The following ACSBG1 variants were observed in gnomAD, a reference collection of about 807,000 sequenced individuals.
ACSBG1 encodes the protein long-chain-fatty-acid--CoA ligase ACSBG1.
A neutral mutation model predicts 80.2 loss-of-function variants in ACSBG1; 39 were observed. The ratio of observed to expected loss-of-function variants is 0.49; its 90% CI spans 0.38 to 0.64. ACSBG1 has a LOEUF of 0.64. Among genes scored for constraint, ACSBG1 ranks in the 30% least tolerant of loss-of-function variants. ACSBG1 has a pLI of 0.00. For synonymous variants in ACSBG1, 392 were observed against 379.5 expected (o/e 1.03, Z -0.38); for missense variants, 828 against 966.4 (o/e 0.86, Z 1.90).
intron 1 of ACSBG1, among the ~76,000 whole-genome samples, chr15:78,217,717 C>T (rs2075323884): frequency 1.3e-5 from 2 of 152,076 alleles, no homozygotes; most frequent in Admixed American, 6.6e-5. Context: ...CAGGCACACG[C>T]CACCACACCC....
At chr15:78,207,958 C>G (rs2075231087) in intron 2 of ACSBG1, 44 bp downstream of exon 2, 1 of 998,590 alleles carries the variant, frequency 1.0e-6, no homozygotes, top group Non-Finnish European at 1.6e-6. Context: ...CAGCACAGCA[C>G]AGTTTCCCGC....
At chr15:78,207,316 G>A (rs369863314) in intron 2 of ACSBG1, among the ~76,000 whole-genome samples, 1 of 152,182 alleles carries the variant, frequency 6.6e-6, no homozygotes, top group Middle Eastern at 3.2e-3. Flanking sequence ...CAAGACACTC[G>A]GCCTGGGAGA....
At position 78,199,120 on chromosome 15, in the gene ACSBG1, TTTCC is replaced by T. The variant is rs895417876; in HGVS notation, c.233-4398_233-4395del. Among the ~76,000 whole-genome samples the T allele has an allele frequency of 7.9e-5, 12 of 152,148 alleles. 2 individuals carry two copies. The South Asian group carries it at 1.2e-3, about 16-fold the overall frequency. ...TTTTCTTTTCTTTTCTTTCTTTCTT[TTTCC>T]TTCCTTCCTTCCTTCTTTTTTTGAG... On this transcript the variant is annotated intron_variant, in intron 2 of 13. Coordinates refer to ENST00000258873, the MANE Select transcript of ACSBG1 (RefSeq NM_015162.5).
rs1476084491 is a variant in ACSBG1, at chr15:78,169,539, T to C, written c.*1905A>G. ...GAATGTGGTATATTTCTAAATGATATGGAAAATAGAGACAGATTTGTCCTT... is the reference window on the plus strand; with the variant it reads ...GAATGTGGTATATTTCTAAATGATACGGAAAATAGAGACAGATTTGTCCTT... On this transcript the variant is annotated 3_prime_UTR_variant, in exon 14 of 14. Transcript: ENST00000258873. 2 of 152,262 alleles carry C rather than the reference T, an allele frequency of 1.3e-5. No homozygotes were observed. Among genetic ancestry groups the C allele is most frequent in the Non-Finnish European group, 2.9e-5 (2 of 68,046 alleles). 9.4% of individuals were successfully genotyped at this position (152,262 alleles called of 1,614,324 possible).
At chr15:78,232,024 G>A (rs1048976586) in intron 1 of ACSBG1, among the ~76,000 whole-genome samples, 2 of 152,226 alleles carry the variant, frequency 1.3e-5, no homozygotes. Context: ...ATCTTGCCAA[G>A]GGTCACAGAA....
intron 2 of ACSBG1, among the ~76,000 whole-genome samples, chr15:78,196,859 A>G (rs1024889044): frequency 6.6e-6 from 1 of 152,010 alleles, no homozygotes; most frequent in African/African-American, 2.4e-5. Flanking sequence ...TGAGCCCAGG[A>G]GTTCAAGACC....
intron 1 of ACSBG1, chr15:78,212,518 G>A (rs191490915): frequency 2.1e-4 from 94 of 455,320 alleles, no homozygotes; most frequent in African/African-American, 1.8e-3. Context: ...CGGGGCAGGA[G>A]GCGGGGGAAG....
chr15:78,183,460 C>T (rs957467224), intron 5 of ACSBG1, among the ~76,000 whole-genome samples: 8 of 152,052 alleles, frequency 5.3e-5, no homozygotes, highest in Admixed American at 2.0e-4. Flanking sequence ...GCCTGTAATC[C>T]CAGCTACTCG....
rs1285487687 is a variant in ACSBG1, at chr15:78,193,590, T to C, written c.579A>G (p.Pro193=). The C allele has an allele frequency of 2.5e-6, 4 of 1,613,740 alleles. No individual in the cohort carries two copies. In the African/African-American group the frequency reaches 5.3e-5, roughly 22 times the overall value. The change falls in exon 5 of 14, where the codon CCA becomes CCG. Residue 193 remains proline (P), a synonymous_variant. Transcript: ENST00000258873. Reference sequence around the variant, plus strand: ...CATAAGCGATGTACTGGCAGGCCTCTGGGGAGCTGGTGGTGTAGATGCCAG... The same window carrying C: ...CATAAGCGATGTACTGGCAGGCCTCCGGGGAGCTGGTGGTGTAGATGCCAG... ...IVTGIYTTSS[P]EACQYIAYDC...
chr15:78,232,315 A>G (rs930670238), intron 1 of ACSBG1, among the ~76,000 whole-genome samples: 1 of 152,040 alleles, frequency 6.6e-6, no homozygotes, highest in Non-Finnish European at 1.5e-5. Flanking sequence ...TGACACTCCA[A>G]CTCTTGGGTT....
intron 1 of ACSBG1, among the ~76,000 whole-genome samples, chr15:78,217,368 G>C (rs763289487): frequency 4.2e-4 from 64 of 152,144 alleles, no homozygotes; most frequent in Non-Finnish European, 2.5e-4. Flanking sequence ...GGTTAGCAGA[G>C]TCACAATATA....
Position 78,168,251 on chromosome 15 carries a change from G to A in ACSBG1, c.*3193C>T, listed in dbSNP as rs12912695. 0.34 allele frequency: 50,196 copies of A among 148,730 alleles called. 9,043 individuals are homozygous for A. The highest frequency in any genetic ancestry group is 0.41 in the Non-Finnish European group (27,858 of 67,478). The allele number at this position is 148,730 out of a possible 1,614,324, so 9.2% of individuals were successfully genotyped here. On this transcript the variant is annotated 3_prime_UTR_variant, in exon 14 of 14. Coordinates refer to ENST00000258873, the MANE Select transcript of ACSBG1 (RefSeq NM_015162.5). Reference sequence around the variant, plus strand: ...AGCCTGGGCCACATAGTGAGACCCCGTCTCTTAAAAAAAAAAAAAAGAGTT... The same window carrying A: ...AGCCTGGGCCACATAGTGAGACCCCATCTCTTAAAAAAAAAAAAAAGAGTT...
At chr15:78,211,654 A>C (rs1410381570) in intron 1 of ACSBG1, among the ~76,000 whole-genome samples, 2 of 152,202 alleles carry the variant, frequency 1.3e-5, no homozygotes, top group Non-Finnish European at 2.9e-5. Context: ...AATATGATGT[A>C]AGATGTGTGG....
chr15:78,203,041 G>A (rs886886480), intron 2 of ACSBG1, among the ~76,000 whole-genome samples: 1 of 152,180 alleles, frequency 6.6e-6, no homozygotes, highest in African/African-American at 2.4e-5. Flanking sequence ...ATAACATCAA[G>A]TGAAAAGGGG....
At position 78,179,685 on chromosome 15, in the gene ACSBG1, T is replaced by C; in HGVS notation, c.1349A>G (p.Tyr450Cys). Reference protein sequence around the residue: ...LGFAKCQKNFYGAAPMMAETQ... With the variant: ...LGFAKCQKNFCGAAPMMAETQ... ...CTCTGCCATCATGGGGGCCGCTCCA[T>C]AGAAGTTCTTTTGACACTTGGCAAA... The change falls in exon 10 of 14, where the codon TAT becomes TGT. Residue 450 changes from tyrosine to cysteine, a missense_variant. Tyr to Cys is a radical substitution (Grantham distance 194). Around this residue, in one of 3 missense-constraint regions of ACSBG1, gnomAD observed 271 missense variants for 375.9 expected, o/e 0.72. Coordinates refer to ENST00000258873, the MANE Select transcript of ACSBG1 (RefSeq NM_015162.5). 1.9e-6 allele frequency: 3 copies of C among 1,614,150 alleles called. No homozygotes were observed. Among genetic ancestry groups the C allele is most frequent in the East Asian group, 2.2e-5 (1 of 44,884 alleles).
chr15:78,183,028 A>C, intron 5 of ACSBG1: 1 of 564,798 alleles, frequency 1.8e-6, no homozygotes, highest in Non-Finnish European at 3.2e-6. Flanking sequence ...AAACCACCAA[A>C]CAAGCTGGGG....
At chr15:78,205,958 C>T (rs1001548082) in intron 2 of ACSBG1, among the ~76,000 whole-genome samples, 4 of 152,174 alleles carry the variant, frequency 2.6e-5, no homozygotes, top group Non-Finnish European at 5.9e-5. Context: ...AGGCCTGGCA[C>T]GCGGTGGACA....
intron 1 of ACSBG1, among the ~76,000 whole-genome samples, chr15:78,216,910 G>A (rs2075316195): frequency 6.6e-6 from 1 of 152,258 alleles, no homozygotes; most frequent in Admixed American, 6.5e-5. Flanking sequence ...AAGCAGCCTG[G>A]CCGTACCCAA....
Position 78,168,899 on chromosome 15 carries a change from T to C in ACSBG1, c.*2545A>G. 2 of 1,530,262 alleles carry C rather than the reference T, an allele frequency of 1.3e-6. No homozygotes were observed. The highest frequency in any genetic ancestry group is 1.8e-6 in the Non-Finnish European group (2 of 1,109,114). The allele number at this position is 1,530,262 out of a possible 1,614,324, so 94.8% of individuals were successfully genotyped here. Reference sequence around the variant, plus strand: ...GTTTAGTTTGCGGATACATCTTTTATTTTTGCTTTTTCCTTTTCTCAGAGC... The same window carrying C: ...GTTTAGTTTGCGGATACATCTTTTACTTTTGCTTTTTCCTTTTCTCAGAGC... On this transcript the variant is annotated 3_prime_UTR_variant, in exon 14 of 14. Transcript: ENST00000258873.
Sources: gnomAD v4.1 joint callset for allele counts (sites outside exome capture counted in the v4.1 genomes callset) on GRCh38, gnomAD v4.1.1 for gene constraint, gnomAD v4.1.1 regional missense constraint, MANE v1.5 for transcripts, NCBI Gene and HGNC (gene_info 2026-07-23, HGNC 2026-07-21) for gene names.